The following EXOSC2 variants were observed in gnomAD, a reference collection of about 807,000 sequenced individuals.
The protein encoded by EXOSC2 is exosome complex component RRP4.
A neutral mutation model predicts 37.6 loss-of-function variants in EXOSC2; 29 were observed. That is an observed-to-expected ratio of 0.77 (90% CI 0.57 to 1.05). The LOEUF (loss-of-function observed/expected upper bound fraction) is 1.05. EXOSC2 is among the 50% of genes least tolerant of loss of function. The pLI is 0.00. For missense variants in EXOSC2, 346 were observed against 365.6 expected, an observed-to-expected ratio of 0.95 and a Z score of 0.44; for synonymous variants, 119 against 131.1, an observed-to-expected ratio of 0.91 and a Z score of 0.63.
Position 130,698,798 on chromosome 9 carries a change from A to G in EXOSC2, c.361-531A>G, listed in dbSNP as rs1831151467. ...AGTGCCAAGCACGATTGAGTTCCCC[A>G]GCAGGGGATATAAGATAACTGACCT... On this transcript the variant is annotated intron_variant, in intron 4 of 8. Coordinates refer to ENST00000372358, the MANE Select transcript of EXOSC2 (RefSeq NM_014285.7). The surrounding 1 kb of genome is among the most constrained non-coding windows in gnomAD (Gnocchi z 4.1). Among the ~76,000 whole-genome samples, 2 of 152,198 alleles carry G rather than the reference A, an allele frequency of 1.3e-5. No homozygotes were observed. The highest frequency in any genetic ancestry group is 1.3e-4 in the Admixed American group (2 of 15,274).
rs1564256699 is a variant in EXOSC2, at chr9:130,698,430, C to T, written c.360+179C>T. Among the ~76,000 whole-genome samples, 1 of 152,144 alleles carries T rather than the reference C, an allele frequency of 6.6e-6. No individual in the cohort carries two copies. Among genetic ancestry groups the T allele is most frequent in the South Asian group, 2.1e-4 (1 of 4,824 alleles). ...AGACTTTTCACCCTGTCCAGGTCTC[C>T]CGAAAGAGGGAGCAGTTGGCATATG... On this transcript the variant is annotated intron_variant, in intron 4 of 8. Transcript: ENST00000372358. The surrounding 1 kb of genome is among the most constrained non-coding windows in gnomAD (Gnocchi z 4.1).
chr9:130,703,927 T>A lies in EXOSC2; in HGVS notation c.*153T>A. 1.7e-6 allele frequency: 1 copy of A among 594,480 alleles called. No individual in the cohort carries two copies. The highest frequency in any genetic ancestry group is 2.5e-5 in the South Asian group (1 of 39,606). The allele number at this position is 594,480 out of a possible 1,614,324, so 36.8% of individuals were successfully genotyped here. The stretch of plus-strand genomic sequence containing the variant: ...GCCTCCAGCCCACAGGCCTGCTTTC[T>A]CCTGTCCTAACACCAAGCCTGGGTG... On this transcript the variant is annotated 3_prime_UTR_variant, in exon 9 of 9. Coordinates refer to ENST00000372358, the MANE Select transcript of EXOSC2 (RefSeq NM_014285.7).
In EXOSC2 at chr9:130,702,315, G is replaced by C. The variant is rs749317630; in HGVS notation, c.672+5G>C. ...GGCTTCATTGCAAACCTGGAGGTGA[G>C]CAAACACTGTGGCCATTTTCAGTGG... On this transcript the variant is annotated splice_donor_5th_base_variant and intron_variant, in intron 7 of 8. Transcript: ENST00000372358. 6.2e-7 allele frequency: 1 copy of C among 1,611,600 alleles called. No individual in the cohort carries two copies. The highest frequency in any genetic ancestry group is 1.1e-5 in the South Asian group (1 of 90,896).
rs1207365682 is a variant in EXOSC2, at chr9:130,694,676, T to C, written c.122+763T>C. On this transcript the variant is annotated intron_variant, in intron 1 of 8. Transcript: ENST00000372358. This position sits in a 1 kb window ranked among gnomAD's most constrained non-coding sequence, Gnocchi z 4.0. ...TACAAGGGGCACAGCATTCATAGCA[T>C]TGCCCTTTAACCTGTTAGTTTAAGG... 6.6e-6 allele frequency among the ~76,000 whole-genome samples: 1 copy of C among 152,198 alleles called. No homozygotes were observed. Among genetic ancestry groups the C allele is most frequent in the Non-Finnish European group, 1.5e-5 (1 of 68,042 alleles).
chr9:130,699,309 C>A lies in EXOSC2; in HGVS notation c.361-20C>A. 6.2e-7 allele frequency: 1 copy of A among 1,613,622 alleles called. No individual in the cohort carries two copies. Among genetic ancestry groups the A allele is most frequent in the South Asian group, 1.1e-5 (1 of 91,058 alleles). ...TCTGAGGATCTGGCTTAAGTAATGT[C>A]ATTTCTTTGTGTATTTCAGAGGAGA... On this transcript the variant is annotated intron_variant, in intron 4 of 8. Coordinates refer to ENST00000372358, the MANE Select transcript of EXOSC2 (RefSeq NM_014285.7).
At position 130,698,045 on chromosome 9, in the gene EXOSC2, C is replaced by T. The variant is rs546610964; in HGVS notation, c.271-117C>T. On this transcript the variant is annotated intron_variant, in intron 3 of 8. Coordinates refer to ENST00000372358, the MANE Select transcript of EXOSC2 (RefSeq NM_014285.7). The surrounding 1 kb of genome is among the most constrained non-coding windows in gnomAD (Gnocchi z 4.1). ...CTGACCTCAAGTGATCCACCAGCTT[C>T]GGCCTCCCAAAGTGCTGGGATTACA... The T allele has an allele frequency of 4.8e-5, 42 of 876,614 alleles. No homozygotes were observed. The East Asian group carries it at 6.5e-4, about 14-fold the overall frequency. The allele number at this position is 876,614 out of a possible 1,614,324, so 54.3% of individuals were successfully genotyped here.
chr9:130,703,122 AG>A lies in EXOSC2; in HGVS notation c.744del (p.Met249Ter), dbSNP rs1399524620. Reference protein sequence around the residue: ...RNCIISLVTQRMMLYDTSILY... With the variant: ...RNCIISLVTQXMMLYDTSILY... ...CTGCATCATCTCGCTGGTAACTCAG[AG>A]GATGATGCTGTATGATACCAGCATC... is the stretch of plus-strand genomic sequence containing the variant. On this transcript the variant is annotated frameshift_variant, in exon 8 of 9. Transcript: ENST00000372358. LOFTEE classifies it high-confidence loss of function. The A allele has an allele frequency of 1.2e-6, 2 of 1,613,996 alleles. No individual in the cohort carries two copies.
Position 130,694,051 on chromosome 9 carries a change from G to A in EXOSC2, c.122+138G>A. The A allele has an allele frequency of 3.0e-6, 3 of 991,832 alleles. No individual in the cohort carries two copies. Among genetic ancestry groups the A allele is most frequent in the Non-Finnish European group, 4.2e-6 (3 of 717,782 alleles). 61.4% of individuals were successfully genotyped at this position (991,832 alleles called of 1,614,324 possible). A position where few individuals can be genotyped will look rare whatever the true frequency, so the allele number is the denominator to read the frequency against. ...TTCGTCTGAGCATCCTACACACCTC[G>A]CTTCCGAGCCTCGTGCTTCTTGCTC... is the stretch of plus-strand genomic sequence containing the variant. On this transcript the variant is annotated intron_variant, in intron 1 of 8. Transcript: ENST00000372358. This position sits in a 1 kb window ranked among gnomAD's most constrained non-coding sequence, Gnocchi z 4.0.
In EXOSC2 at chr9:130,699,364, A is replaced by G; in HGVS notation, c.396A>G (p.Arg132=). ...RRSAEDELAM[R]GFLQEGDLIS... is the part of the protein sequence containing the mutation. The stretch of plus-strand genomic sequence containing the variant: ...CTGCAGAAGATGAGCTTGCAATGAG[A>G]GGTTTCTTACAGGAAGGGGACCTTA... The change falls in exon 5 of 9, where the codon AGA becomes AGG. Residue 132 remains arginine, a synonymous_variant. Transcript: ENST00000372358. 6.2e-7 allele frequency: 1 copy of G among 1,614,148 alleles called. No individual in the cohort carries two copies. Among genetic ancestry groups the G allele is most frequent in the Admixed American group, 1.7e-5 (1 of 60,022 alleles).
intron 7 of EXOSC2, among the ~76,000 whole-genome samples, chr9:130,702,664 G>A (rs1197391712): frequency 1.3e-5 from 2 of 152,110 alleles, no homozygotes; most frequent in East Asian, 1.9e-4. Context: ...GTGCCATCTC[G>A]GCTCACTGCA....
Position 130,694,776 on chromosome 9 carries a change from C to T in EXOSC2, c.123-716C>T, listed in dbSNP as rs751935689. ...TTAGATCAGTCGTGCGATCTCGGCT[C>T]ACTGCAACCTCTGCCTCCTGGGTTC... On this transcript the variant is annotated intron_variant, in intron 1 of 8. Coordinates refer to ENST00000372358, the MANE Select transcript of EXOSC2 (RefSeq NM_014285.7). The surrounding 1 kb of genome is among the most constrained non-coding windows in gnomAD (Gnocchi z 4.0). Among the ~76,000 whole-genome samples the T allele has an allele frequency of 6.6e-6, 1 of 151,920 alleles. No homozygotes were observed. The highest frequency in any genetic ancestry group is 1.5e-5 in the Non-Finnish European group (1 of 67,986).
intron 7 of EXOSC2, among the ~76,000 whole-genome samples, chr9:130,702,804 A>G (rs1250816272): frequency 6.6e-6 from 1 of 152,128 alleles, no homozygotes; most frequent in Non-Finnish European, 1.5e-5. Flanking sequence ...CATGTTGGTC[A>G]GGCTGGTCTT....
Position 130,694,690 on chromosome 9 carries a change from G to C in EXOSC2, c.122+777G>C, listed in dbSNP as rs1831053197. 6.6e-6 allele frequency among the ~76,000 whole-genome samples: 1 copy of C among 152,048 alleles called. No homozygotes were observed. The highest frequency in any genetic ancestry group is 1.5e-5 in the Non-Finnish European group (1 of 68,006). On this transcript the variant is annotated intron_variant, in intron 1 of 8. Coordinates refer to ENST00000372358, the MANE Select transcript of EXOSC2 (RefSeq NM_014285.7). The surrounding 1 kb of genome is among the most constrained non-coding windows in gnomAD (Gnocchi z 4.0). The stretch of plus-strand genomic sequence containing the variant: ...CATTCATAGCATTGCCCTTTAACCT[G>C]TTAGTTTAAGGTTAGTGGATACCAG...
rs1254067819 is a variant in EXOSC2, at chr9:130,697,613, G to A, written c.256G>A (p.Gly86Arg). 1.2e-6 allele frequency: 2 copies of A among 1,614,120 alleles called. No individual in the cohort carries two copies. Among genetic ancestry groups the A allele is most frequent in the East Asian group, 4.5e-5 (2 of 44,870 alleles). ...YIGEVGDIVV[G>R]RITEVQQKRW... ...TGGTGAAGTAGGAGACATCGTAGTG[G>A]GACGAATCACAGAGGTAACGTCGAT... The change falls in exon 3 of 9, where the codon GGA (glycine) becomes AGA (arginine). Residue 86 changes from glycine to arginine, a missense_variant. Physicochemically the swap from Gly to Arg is moderately radical, Grantham distance 125 (BLOSUM62 -2). Coordinates refer to ENST00000372358, the MANE Select transcript of EXOSC2 (RefSeq NM_014285.7).
At chr9:130,703,027 C>G (rs1831251965) in intron 7 of EXOSC2, 26 bp from the exon 8 acceptor site, 2 of 1,597,474 alleles carry the variant, frequency 1.3e-6, no homozygotes, top group Non-Finnish European at 8.6e-7. Context: ...TTGTATTTCC[C>G]TTCCCCTCTC....
At chr9:130,695,142 G>A (rs982437550) in intron 1 of EXOSC2, among the ~76,000 whole-genome samples, 19 of 152,256 alleles carry the variant, frequency 1.2e-4, no homozygotes, top group African/African-American at 3.6e-4. Flanking sequence ...GATAATAAGC[G>A]CAATGAATAA....
chr9:130,702,935 T>C (rs1831249924), intron 7 of EXOSC2, 118 bp from the exon 8 acceptor site: 1 of 1,247,576 alleles, frequency 8.0e-7, no homozygotes, highest in Non-Finnish European at 1.1e-6. Flanking sequence ...TTTGGTTGAT[T>C]TGGAGTTCCA....
At chr9:130,702,019 A>G (rs1383845397) in intron 6 of EXOSC2, 115 bp from the exon 7 acceptor site, 106 of 1,466,130 alleles carry the variant, frequency 7.2e-5, no homozygotes, top group Non-Finnish European at 9.3e-5. Flanking sequence ...GGCGACAGCA[A>G]TTATAAACAG....
rs1393302267 is a variant in EXOSC2 at position 130,694,762 on chromosome 9, G to T, written c.123-730G>T. 6.6e-6 allele frequency among the ~76,000 whole-genome samples: 1 copy of T among 151,984 alleles called. No homozygotes were observed. The highest frequency in any genetic ancestry group is 2.1e-4 in the South Asian group (1 of 4,822). ...AGACGGAGTCTGTCTTAGATCAGTCGTGCGATCTCGGCTCACTGCAACCTC... is the reference window on the plus strand; with the variant it reads ...AGACGGAGTCTGTCTTAGATCAGTCTTGCGATCTCGGCTCACTGCAACCTC... On this transcript the variant is annotated intron_variant, in intron 1 of 8. Coordinates refer to ENST00000372358, the MANE Select transcript of EXOSC2 (RefSeq NM_014285.7). This position sits in a 1 kb window ranked among gnomAD's most constrained non-coding sequence, Gnocchi z 4.0.
Sources: gnomAD v4.1 joint callset for allele counts (sites outside exome capture counted in the v4.1 genomes callset) on GRCh38, gnomAD v4.1.1 for gene constraint, Gnocchi (gnomAD v3.1) non-coding constraint, MANE v1.5 for transcripts, NCBI Gene and HGNC (gene_info 2026-07-23, HGNC 2026-07-21) for gene names.